R3HDML: variants seen among roughly 807,000 people sequenced by gnomAD.
R3HDML encodes peptidase inhibitor R3HDML.
Under a neutral mutation model 24.2 loss-of-function variants are expected in R3HDML, and 21 were observed. The ratio of observed to expected loss-of-function variants is 0.87; its 90% CI spans 0.62 to 1.25. The LOEUF (loss-of-function observed/expected upper bound fraction) is 1.25, where lower values mean the gene tolerates loss of function less well. R3HDML is among the 50% of genes most tolerant of loss of function. The pLI, the probability that R3HDML is intolerant of heterozygous loss-of-function variation, is 0.00. For missense variants in R3HDML, 301 were observed against 340.3 expected, an observed-to-expected ratio of 0.88 and a Z score of 0.91; for synonymous variants, 133 against 131.5, an observed-to-expected ratio of 1.01 and a Z score of -0.08.
chr20:44,347,341 C>T (rs1417048241), intron 4 of R3HDML, among the ~76,000 whole-genome samples: 5 of 151,944 alleles, frequency 3.3e-5, no homozygotes, highest in African/African-American at 1.2e-4. Context: ...GCCTCACCCT[C>T]CTGAGTAGCT....
At chr20:44,347,154 C>T (rs1398733973) in intron 4 of R3HDML, among the ~76,000 whole-genome samples, 1 of 152,040 alleles carries the variant, frequency 6.6e-6, no homozygotes, top group East Asian at 1.9e-4. Context: ...ACAACAACAA[C>T]AACAAAAACA....
intron 1 of R3HDML, among the ~76,000 whole-genome samples, chr20:44,340,537 G>C (rs1222628669): frequency 2.6e-5 from 4 of 152,260 alleles, no homozygotes; most frequent in Non-Finnish European, 4.4e-5. Context: ...GAAGTGCCCT[G>C]TAATCCCAGC....
chr20:44,343,537 C>T (rs749478033), intron 3 of R3HDML, 28 bp downstream of exon 3: 6 of 1,565,026 alleles, frequency 3.8e-6, no homozygotes, highest in Non-Finnish European at 5.2e-6. Context: ...CTGAGGGCCC[C>T]TGGGATAACA....
At chr20:44,343,981 T>C (rs2062779123) in intron 3 of R3HDML, among the ~76,000 whole-genome samples, 1 of 152,048 alleles carries the variant, frequency 6.6e-6, no homozygotes, top group South Asian at 2.1e-4. Context: ...CTAAAAACCT[T>C]TCTAAAAATA....
Position 44,343,453 on chromosome 20 carries a change from T to C in R3HDML, c.457T>C (p.Cys153Arg), listed in dbSNP as rs750649693. 3.7e-6 allele frequency: 6 copies of C among 1,613,116 alleles called. No individual in the cohort carries two copies. Among genetic ancestry groups the C allele is most frequent in the Non-Finnish European group, 5.1e-6 (6 of 1,179,594 alleles). Reference protein sequence around the residue: ...WHYLFPAPRDCNPHCPWRCDG... With the variant: ...WHYLFPAPRDRNPHCPWRCDG... ...TTACTTGTTTCCGGCCCCAAGGGACTGTAACCCACACTGCCCCTGGCGCTG... is the reference window on the plus strand; with the variant it reads ...TTACTTGTTTCCGGCCCCAAGGGACCGTAACCCACACTGCCCCTGGCGCTG... The change falls in exon 3 of 5, where the codon TGT (cysteine) becomes CGT (arginine). Residue 153 changes from cysteine to arginine, a missense_variant. Transcript: ENST00000217043.
At chr20:44,341,652 A>G (rs1036818884) in intron 2 of R3HDML, among the ~76,000 whole-genome samples, 4 of 152,204 alleles carry the variant, frequency 2.6e-5, no homozygotes, top group Non-Finnish European at 5.9e-5. Context: ...TGGGAGGCTG[A>G]GGTGGGCAGA....
In R3HDML at chr20:44,337,255, C is replaced by T. The variant is rs543066633; in HGVS notation, c.98C>T (p.Pro33Leu). The change falls in exon 1 of 5, where the codon CCG becomes CTG. Residue 33 changes from proline (P) to leucine (L), a missense_variant. Physicochemically the swap from Pro to Leu is moderately conservative, Grantham distance 98. Coordinates refer to ENST00000217043, the MANE Select transcript of R3HDML (RefSeq NM_178491.4). The surrounding 1 kb of genome is among the most constrained non-coding windows in gnomAD (Gnocchi z 4.7). ...ALIMPNATPA[P>L]AQPESTAMRL... ...ATAATGCCTAATGCTACCCCAGCCC[C>T]GGCCCAGCCCGAGAGCACGGCTATG... 42 of 1,614,108 alleles carry T rather than the reference C, an allele frequency of 2.6e-5. No homozygotes were observed. Among genetic ancestry groups the T allele is most frequent in the African/African-American group, 2.1e-4 (16 of 75,056 alleles).
chr20:44,348,753 A>G (rs372132534), intron 4 of R3HDML, among the ~76,000 whole-genome samples: 12 of 152,222 alleles, frequency 7.9e-5, no homozygotes, highest in African/African-American at 2.9e-4. Flanking sequence ...GGCTCAAGCA[A>G]TCTGCCCACC....
rs185085537 is a variant in R3HDML, at chr20:44,348,628, G to A, written c.630-2032G>A. ...CAATCCTCACACCACAGCCTCCCCAGTAGCTGGGACTACAGGCGTTCACCA... is the reference window on the plus strand; with the variant it reads ...CAATCCTCACACCACAGCCTCCCCAATAGCTGGGACTACAGGCGTTCACCA... On this transcript the variant is annotated intron_variant, in intron 4 of 4. Coordinates refer to ENST00000217043, the MANE Select transcript of R3HDML (RefSeq NM_178491.4). 3.3e-5 allele frequency among the ~76,000 whole-genome samples: 5 copies of A among 152,032 alleles called. No homozygotes were observed. In the East Asian group the frequency reaches 7.7e-4, roughly 24 times the overall value.
chr20:44,350,664 A>C lies in R3HDML; in HGVS notation c.634A>C (p.Asn212His), dbSNP rs745867159. 1.9e-6 allele frequency: 3 copies of C among 1,613,026 alleles called. No homozygotes were observed. Among genetic ancestry groups the C allele is most frequent in the Non-Finnish European group, 2.5e-6 (3 of 1,179,614 alleles). Reference protein sequence around the residue: ...YLVCNYAIKGNWIGESPYKMG... With the variant: ...YLVCNYAIKGHWIGESPYKMG... ...CTGGGTCCTTTTCTCTTCCAGGGGC[A>C]ACTGGATTGGCGAGTCCCCGTACAA... Residue 212 changes from asparagine to histidine, a missense_variant, in exon 5 of 5, where the codon AAC becomes CAC. By Grantham distance (68) the Asn-to-His change is moderately conservative. Coordinates refer to ENST00000217043, the MANE Select transcript of R3HDML (RefSeq NM_178491.4).
rs569752209 is a variant in R3HDML, at chr20:44,347,012, C to T, written c.629+1634C>T. On this transcript the variant is annotated intron_variant, in intron 4 of 4. Coordinates refer to ENST00000217043, the MANE Select transcript of R3HDML (RefSeq NM_178491.4). The stretch of plus-strand genomic sequence containing the variant: ...CCAAAATTAGCTGGGCATGGTGGCG[C>T]GTGCCTGTAATCCCAGCTACTTGGG... 5.3e-5 allele frequency among the ~76,000 whole-genome samples: 8 copies of T among 152,014 alleles called. No homozygotes were observed. In the East Asian group the frequency reaches 1.2e-3, roughly 22 times the overall value.
intron 4 of R3HDML, among the ~76,000 whole-genome samples, chr20:44,349,849 C>T (rs939490937): frequency 6.6e-6 from 1 of 151,776 alleles, no homozygotes; most frequent in Middle Eastern, 3.4e-3. Context: ...GTGGGCAGAT[C>T]ACTTGAGGTC....
At chr20:44,348,028 G>A (rs2062793794) in intron 4 of R3HDML, among the ~76,000 whole-genome samples, 1 of 145,918 alleles carries the variant, frequency 6.9e-6, no homozygotes, top group South Asian at 2.2e-4. Flanking sequence ...ACAGTGGCAT[G>A]GTCACAGCTC....
chr20:44,344,676 G>A (rs200612788), intron 3 of R3HDML, among the ~76,000 whole-genome samples: 14 of 151,824 alleles, frequency 9.2e-5, no homozygotes, highest in East Asian at 1.9e-4. Context: ...CCAGCTACTC[G>A]GGAGGCTGAG....
chr20:44,340,025 G>A (rs1192459856), intron 1 of R3HDML, among the ~76,000 whole-genome samples: 1 of 152,056 alleles, frequency 6.6e-6, no homozygotes, highest in Non-Finnish European at 1.5e-5. Flanking sequence ...TATGGACTCA[G>A]CTCACTGCAA....
At position 44,340,597 on chromosome 20, in the gene R3HDML, C is replaced by A. The variant is rs140677456; in HGVS notation, c.262-599C>A. ...ATTGTTTGAGGCCAGGAGTTGGAGACTAGCCTGGGCAACATGGCAAAACCC... is the reference window on the plus strand; with the variant it reads ...ATTGTTTGAGGCCAGGAGTTGGAGAATAGCCTGGGCAACATGGCAAAACCC... On this transcript the variant is annotated intron_variant, in intron 1 of 4. Coordinates refer to ENST00000217043, the MANE Select transcript of R3HDML (RefSeq NM_178491.4). Among the ~76,000 whole-genome samples, 477 of 152,282 alleles carry A rather than the reference C, an allele frequency of 3.1e-3. 4 individuals are homozygous for A. The highest frequency in any genetic ancestry group is 0.011 in the African/African-American group (453 of 41,570).
At chr20:44,349,146 TAAATA>T (rs202024132) in intron 4 of R3HDML, among the ~76,000 whole-genome samples, 29,412 of 145,714 alleles carry the variant, frequency 0.2, 3,622 homozygotes, top group East Asian at 0.42. Context: ...TAAAATAAAA[TAAATA>T]AAATAAAATA....
chr20:44,349,132 A>C (rs544387262), intron 4 of R3HDML, among the ~76,000 whole-genome samples: 2 of 144,522 alleles, frequency 1.4e-5, no homozygotes, highest in Non-Finnish European at 3.0e-5. Context: ...ATCTCAAAGT[A>C]AAATAAAATA....
At position 44,337,315 on chromosome 20, in the gene R3HDML, G is replaced by A. The variant is rs891194458; in HGVS notation, c.158G>A (p.Arg53His). The A allele has an allele frequency of 1.4e-5, 23 of 1,614,080 alleles. No homozygotes were observed. The highest frequency in any genetic ancestry group is 1.7e-5 in the Non-Finnish European group (20 of 1,180,058). The change falls in exon 1 of 5, where the codon CGC (arginine) becomes CAC (histidine). Residue 53 changes from arginine to histidine, a missense_variant. Arg to His is a conservative substitution (Grantham distance 29). Coordinates refer to ENST00000217043, the MANE Select transcript of R3HDML (RefSeq NM_178491.4). The surrounding 1 kb of genome is among the most constrained non-coding windows in gnomAD (Gnocchi z 4.7). ...AGTGGCCTGGAGGTGCCCAGGTACC[G>A]CCGGAAGCGCCACATCTCTGTGAGA... Reference protein sequence around the residue: ...LLSGLEVPRYRRKRHISVRDM... With the variant: ...LLSGLEVPRYHRKRHISVRDM...
Sources: gnomAD v4.1 joint callset for allele counts (sites outside exome capture counted in the v4.1 genomes callset) on GRCh38, gnomAD v4.1.1 for gene constraint, Gnocchi (gnomAD v3.1) non-coding constraint, MANE v1.5 for transcripts, NCBI Gene and HGNC (gene_info 2026-07-23, HGNC 2026-07-21) for gene names.